Variants in USP24 observed in about 807,000 individuals in gnomAD.
USP24 encodes the protein ubiquitin carboxyl-terminal hydrolase 24.
A neutral mutation model predicts 361.6 loss-of-function variants in USP24; 97 were observed. The observed-to-expected ratio is 0.27, with a 90% CI of 0.23 to 0.32. The LOEUF is 0.32. USP24 is among the 10% of genes least tolerant of loss of function. The pLI is 1.00. For synonymous variants in USP24, 1,098 were observed against 1,124.6 expected (o/e 0.98, Z 0.47); for missense variants, 2,353 against 3,165.6 (o/e 0.74, Z 6.16).
chr1:55,104,506 T>C (rs1382129572), intron 41 of USP24, among the ~76,000 whole-genome samples: 1 of 152,182 alleles, frequency 6.6e-6, no homozygotes, highest in African/African-American at 2.4e-5. Context: ...GTCAAATCAA[T>C]TCGTTTAAAG....
At chr1:55,177,319 CAAT>C (rs1650088941) in intron 2 of USP24, among the ~76,000 whole-genome samples, 1 of 152,030 alleles carries the variant, frequency 6.6e-6, no homozygotes, top group South Asian at 2.1e-4. Flanking sequence ...TTATTAAACT[CAAT>C]AATAGGTTTT....
At chr1:55,178,239 T>C (rs1221171396) in intron 1 of USP24, 107 bp from the exon 2 acceptor site, 3 of 1,117,920 alleles carry the variant, frequency 2.7e-6, no homozygotes, top group African/African-American at 1.6e-5. Flanking sequence ...TAGCTATTAA[T>C]ACCAATAGCA....
chr1:55,149,336 T>A (rs1570547116), intron 16 of USP24, among the ~76,000 whole-genome samples: 1 of 152,306 alleles, frequency 6.6e-6, no homozygotes. Context: ...ACATGACTAT[T>A]AAATCTCTAA....
At chr1:55,132,199 A>G (rs1411787932) in intron 31 of USP24, among the ~76,000 whole-genome samples, 1 of 152,136 alleles carries the variant, frequency 6.6e-6, no homozygotes. Flanking sequence ...AGACGGTGCC[A>G]TCTATGAACC....
intron 31 of USP24, among the ~76,000 whole-genome samples, chr1:55,131,129 A>G (rs779319947): frequency 6.6e-6 from 1 of 152,224 alleles, no homozygotes; most frequent in African/African-American, 2.4e-5. Context: ...TCAAAAACAA[A>G]TGACAGATCT....
At chr1:55,167,039 T>C (rs1648941630) in intron 5 of USP24, among the ~76,000 whole-genome samples, 1 of 152,212 alleles carries the variant, frequency 6.6e-6, no homozygotes, top group Non-Finnish European at 1.5e-5. Flanking sequence ...CTCCTCTTTT[T>C]CTTTTCTTTT....
At chr1:55,148,327 G>T in intron 17 of USP24, 136 bp downstream of exon 17, 2 of 553,754 alleles carry the variant, frequency 3.6e-6, no homozygotes, top group Non-Finnish European at 6.0e-6. Flanking sequence ...TTAAACTCAA[G>T]ATTATTAGAT....
At chr1:55,142,425 AAAAAAG>A (rs1276086987) in intron 23 of USP24, among the ~76,000 whole-genome samples, 3 of 152,210 alleles carry the variant, frequency 2.0e-5, no homozygotes, top group East Asian at 1.9e-4. Flanking sequence ...AGGAAAAGAA[AAAAAAG>A]AAAAAGATTC....
At chr1:55,102,517 A>C (rs552907996) in intron 42 of USP24, among the ~76,000 whole-genome samples, 3 of 152,340 alleles carry the variant, frequency 2.0e-5, no homozygotes, top group Admixed American at 1.3e-4. Context: ...CATATTAAGT[A>C]TCTGCATCCA....
At chr1:55,205,485 CTATA>C (rs1644682138) in intron 1 of USP24, among the ~76,000 whole-genome samples, 1 of 152,022 alleles carries the variant, frequency 6.6e-6, no homozygotes, top group African/African-American at 2.4e-5. Flanking sequence ...CTAGAAATAA[CTATA>C]TAACATAATA....
intron 1 of USP24, among the ~76,000 whole-genome samples, chr1:55,187,847 T>C (rs1444970769): frequency 1.3e-5 from 2 of 152,214 alleles, no homozygotes; most frequent in African/African-American, 4.8e-5. Flanking sequence ...GATAACAATA[T>C]TCCCCAAATT....
At chr1:55,117,983 A>G (rs939164152) in intron 38 of USP24, among the ~76,000 whole-genome samples, 8 of 152,242 alleles carry the variant, frequency 5.3e-5, no homozygotes, top group African/African-American at 1.4e-4. Context: ...GAAAGAAATT[A>G]AAGATGACAT....
intron 30 of USP24, 72 bp from the exon 31 acceptor site, chr1:55,132,772 A>G (rs1345776268): frequency 7.0e-7 from 1 of 1,428,956 alleles, no homozygotes; most frequent in Non-Finnish European, 9.4e-7. Flanking sequence ...ATCTTAGTAC[A>G]CGTCCTAATA....
chr1:55,081,556 G>A, intron 58 of USP24, 132 bp from the exon 59 acceptor site: 3 of 843,196 alleles, frequency 3.6e-6, no homozygotes, highest in Admixed American at 2.3e-5. Flanking sequence ...AAGAGGTCAA[G>A]GTACAAAAAA....
rs376472846 is a variant in USP24, at chr1:55,178,083, G to T, written c.374C>A (p.Thr125Lys). Residue 125 changes from threonine to lysine, a missense_variant, in exon 2 of 68, where the codon ACA becomes AAA. Coordinates refer to ENST00000294383, the MANE Select transcript of USP24 (RefSeq NM_015306.3). ...NCSGEGIEFP[T>K]TNLYELESRV... ...GCTTTCCAGTTCATATAAATTTGTT[G>T]TAGGGAATTCAATTCCTTCCCCTGA... 39 of 1,551,408 alleles carry T rather than the reference G, an allele frequency of 2.5e-5. No homozygotes were observed. Among genetic ancestry groups the T allele is most frequent in the Non-Finnish European group, 3.1e-5 (35 of 1,146,876 alleles).
At chr1:55,206,890 T>G (rs1644721189) in intron 1 of USP24, among the ~76,000 whole-genome samples, 1 of 152,126 alleles carries the variant, frequency 6.6e-6, no homozygotes, top group Non-Finnish European at 1.5e-5. Context: ...AGGCCGGGCA[T>G]GGTGACTGGC....
chr1:55,214,207 C>A (rs939343388), intron 1 of USP24, among the ~76,000 whole-genome samples: 1 of 151,932 alleles, frequency 6.6e-6, no homozygotes, highest in East Asian at 1.9e-4. Context: ...AATGCCCCCC[C>A]TTTCCGACCC....
chr1:55,131,576 T>A (rs1011975516), intron 31 of USP24, among the ~76,000 whole-genome samples: 9 of 152,288 alleles, frequency 5.9e-5, no homozygotes, highest in Admixed American at 1.3e-4. Flanking sequence ...TTAAGGCAAA[T>A]ATGAAATGTC....
At chr1:55,202,007 G>A (rs1268792542) in intron 1 of USP24, among the ~76,000 whole-genome samples, 1 of 152,196 alleles carries the variant, frequency 6.6e-6, no homozygotes, top group African/African-American at 2.4e-5. Context: ...TATGGCAAGA[G>A]GTGAGAGAGG....
Sources: allele counts gnomAD v4.1 joint callset (sites outside exome capture counted in the v4.1 genomes callset), GRCh38; gene constraint gnomAD v4.1.1; transcripts MANE v1.5; gene names NCBI Gene and HGNC (gene_info 2026-07-23, HGNC 2026-07-21).